The following THOP1 variants were observed in gnomAD, a reference collection of about 807,000 sequenced individuals.
THOP1 encodes thimet oligopeptidase.
In THOP1, 49 loss-of-function variants were observed where a neutral mutation model predicts 71.8. The observed-to-expected ratio is 0.68, with a 90% confidence interval of 0.54 to 0.87. The LOEUF (loss-of-function observed/expected upper bound fraction) is 0.87. Among genes scored for constraint, THOP1 ranks in the 40% least tolerant of loss-of-function variants. THOP1 has a pLI of 0.00. For synonymous variants in THOP1, 426 were observed against 421.5 expected, an observed-to-expected ratio of 1.01 and a Z score of -0.13; for missense variants, 843 against 975.6, an observed-to-expected ratio of 0.86 and a Z score of 1.81.
At chr19:2,802,992 T>C (rs1916192131) in intron 5 of THOP1, among the ~76,000 whole-genome samples, 1 of 152,196 alleles carries the variant, frequency 6.6e-6, no homozygotes, top group Non-Finnish European at 1.5e-5. Flanking sequence ...GTGGGGCACA[T>C]GGTACCGCAG....
chr19:2,785,883 A>G (rs551837156), intron 1 of THOP1, among the ~76,000 whole-genome samples: 1 of 152,248 alleles, frequency 6.6e-6, no homozygotes, highest in African/African-American at 2.4e-5. Flanking sequence ...TCATTCTGCA[A>G]AGTTGATGGC....
chr19:2,804,518 TC>T lies in THOP1; in HGVS notation c.590-495del, dbSNP rs1916242408. 1 of 154,110 alleles carries T rather than the reference TC, an allele frequency of 6.5e-6. No individual in the cohort carries two copies. Among genetic ancestry groups the T allele is most frequent in the African/African-American group, 2.4e-5 (1 of 41,450 alleles). The allele number at this position is 154,110 out of a possible 1,614,324, so 9.5% of individuals were successfully genotyped here. ...AGGACCTCCCTCTCCACGTGGGGCC[TC>T]CCTCTCCGCCCAGGGCCCAGCGTGC... is the stretch of plus-strand genomic sequence containing the variant. On this transcript the variant is annotated intron_variant, in intron 5 of 12. Transcript: ENST00000307741. This position sits in a 1 kb window ranked among gnomAD's most constrained non-coding sequence, Gnocchi z 4.7.
chr19:2,808,237 C>T lies in THOP1; in HGVS notation c.1254-6C>T, dbSNP rs1284503330. 3 of 1,545,794 alleles carry T rather than the reference C, an allele frequency of 1.9e-6. No individual in the cohort carries two copies. The Admixed American group carries it at 5.9e-5, about 30-fold the overall frequency. The stretch of plus-strand genomic sequence containing the variant: ...CTGCGGGGCCTGACGCTGCCTCCCT[C>T]CCCAGGGAAGGAAAGTACGGGCACG... On this transcript the variant is annotated splice_region_variant and splice_polypyrimidine_tract_variant and intron_variant, in intron 8 of 12. Coordinates refer to ENST00000307741, the MANE Select transcript of THOP1 (RefSeq NM_003249.5).
At position 2,807,604 on chromosome 19, in the gene THOP1, G is replaced by A. The variant is rs1916330482; in HGVS notation, c.1049G>A (p.Cys350Tyr). 1 of 1,612,642 alleles carries A rather than the reference G, an allele frequency of 6.2e-7. No individual in the cohort carries two copies. Among genetic ancestry groups the A allele is most frequent in the Non-Finnish European group, 8.5e-7 (1 of 1,179,850 alleles). Reference sequence around the variant, plus strand: ...AACCAGGTGGAGGAGACGCGCTACTGCGTGGACCAGAACCTGCTCAAGGAG... The same window carrying A: ...AACCAGGTGGAGGAGACGCGCTACTACGTGGACCAGAACCTGCTCAAGGAG... ...YMNQVEETRYCVDQNLLKEYF... is the reference protein window; with the variant it reads ...YMNQVEETRYYVDQNLLKEYF... The change falls in exon 8 of 13, where the codon TGC becomes TAC. Residue 350 changes from cysteine (C) to tyrosine (Y), a missense_variant. Transcript: ENST00000307741.
intron 4 of THOP1, among the ~76,000 whole-genome samples, chr19:2,796,662 CAG>C (rs1916022037): frequency 6.7e-6 from 1 of 149,138 alleles, no homozygotes; most frequent in African/African-American, 2.5e-5. Context: ...GTGCTGGGCT[CAG>C]GGAGTACTGG....
intron 2 of THOP1, among the ~76,000 whole-genome samples, chr19:2,791,094 T>C (rs1408446560): frequency 2.0e-5 from 3 of 152,214 alleles, no homozygotes; most frequent in Non-Finnish European, 2.9e-5. Flanking sequence ...CCCCTTGGCT[T>C]CTGCCTCTGC....
intron 9 of THOP1, chr19:2,809,947 T>C (rs1916413002): frequency 3.1e-6 from 1 of 325,596 alleles, no homozygotes; most frequent in East Asian, 6.1e-5. Flanking sequence ...AGCAGGGAGA[T>C]GCAGCATGCC....
chr19:2,810,624 C>T lies in THOP1; in HGVS notation c.1643-16C>T, dbSNP rs1471380777. 1.3e-6 allele frequency: 2 copies of T among 1,547,934 alleles called. No homozygotes were observed. Among genetic ancestry groups the T allele is most frequent in the Non-Finnish European group, 1.7e-6 (2 of 1,146,094 alleles). ...GGCAGGTGCAGAGGCCAGCTCTCTC[C>T]TTCCCTCCCGCCCAGGCCTCTTCAA... is the stretch of plus-strand genomic sequence containing the variant. On this transcript the variant is annotated splice_polypyrimidine_tract_variant and intron_variant, in intron 10 of 12. Coordinates refer to ENST00000307741, the MANE Select transcript of THOP1 (RefSeq NM_003249.5).
chr19:2,792,470 C>A (rs1490572533), intron 2 of THOP1, among the ~76,000 whole-genome samples: 3 of 151,028 alleles, frequency 2.0e-5, no homozygotes, highest in Admixed American at 2.0e-4. Flanking sequence ...CAGCCCACCC[C>A]CCCTCTAAAC....
intron 11 of THOP1, 41 bp from the exon 12 acceptor site, chr19:2,811,557 G>C: frequency 6.3e-7 from 1 of 1,586,796 alleles, no homozygotes; most frequent in Non-Finnish European, 8.6e-7. Context: ...GGAGCATGGG[G>C]TGGGGGCTAC....
intron 8 of THOP1, 175 bp from the exon 9 acceptor site, chr19:2,808,068 T>A (rs1916355003): frequency 1.2e-6 from 1 of 835,196 alleles, no homozygotes; most frequent in Non-Finnish European, 1.8e-6. Flanking sequence ...AGCCGGGGCC[T>A]GGCCGTGGTT....
At chr19:2,810,609 G>A in intron 10 of THOP1, 31 bp from the exon 11 acceptor site, 1 of 1,542,910 alleles carries the variant, frequency 6.5e-7, no homozygotes, top group African/African-American at 1.4e-5. Flanking sequence ...GGCAGGTGCA[G>A]AGGCCAGCTC....
At position 2,807,057 on chromosome 19, in the gene THOP1, CCCTT is replaced by C. The variant is rs1256014140; in HGVS notation, c.886+13_886+16del. The stretch of plus-strand genomic sequence containing the variant: ...AGACCGTGGCCACCTTCCTAGGTAG[CCCTT>C]CCTTCCTCCTCCACTGGGGTCCCTG... On this transcript the variant is annotated splice_donor_region_variant and intron_variant, in intron 7 of 12. Transcript: ENST00000307741. 1 of 1,605,468 alleles carries C rather than the reference CCCTT, an allele frequency of 6.2e-7. No individual in the cohort carries two copies. The highest frequency in any genetic ancestry group is 2.2e-5 in the East Asian group (1 of 44,764).
rs778613561 is a variant in THOP1 at position 2,807,515 on chromosome 19, G to A, written c.960G>A (p.Glu320=). The A allele has an allele frequency of 2.1e-5, 34 of 1,611,946 alleles. No individual in the cohort carries two copies. The East Asian group carries it at 7.1e-4, about 34-fold the overall frequency. ...RAVILELKRA[E]CERRGLPFDG... ...TGATTCTGGAGCTGAAGCGTGCGGA[G>A]TGCGAGCGCCGGGGCCTGCCCTTCG... The change falls in exon 8 of 13, where the codon GAG becomes GAA. Residue 320 remains glutamate (E), a synonymous_variant. Transcript: ENST00000307741.
Position 2,804,800 on chromosome 19 carries a change from G to T in THOP1, c.590-216G>T. 1 of 535,364 alleles carries T rather than the reference G, an allele frequency of 1.9e-6. No individual in the cohort carries two copies. Among genetic ancestry groups the T allele is most frequent in the Non-Finnish European group, 3.3e-6 (1 of 304,932 alleles). The allele number at this position is 535,364 out of a possible 1,614,324, so 33.2% of individuals were successfully genotyped here. On this transcript the variant is annotated intron_variant, in intron 5 of 12. Transcript: ENST00000307741. This position sits in a 1 kb window ranked among gnomAD's most constrained non-coding sequence, Gnocchi z 4.7. ...AGGCGGGACGTGAGAAACGTGGCAG[G>T]TGGTGGCCAGGCTGTGGGGGAGCCA...
In THOP1 at chr19:2,801,794, G is replaced by A. The variant is rs1044239638; in HGVS notation, c.589+2003G>A. 6.6e-5 allele frequency among the ~76,000 whole-genome samples: 10 copies of A among 151,968 alleles called. No homozygotes were observed. Among genetic ancestry groups the A allele is most frequent in the African/African-American group, 1.7e-4 (7 of 41,344 alleles). ...GCAAGGGGAGGGGGCTAAGCGAGCCGGTTCCACCCAGGTCTCTCCTCCTCA... is the reference window on the plus strand; with the variant it reads ...GCAAGGGGAGGGGGCTAAGCGAGCCAGTTCCACCCAGGTCTCTCCTCCTCA... On this transcript the variant is annotated intron_variant, in intron 5 of 12. Transcript: ENST00000307741. This position sits in a 1 kb window ranked among gnomAD's most constrained non-coding sequence, Gnocchi z 5.1.
At chr19:2,809,363 G>T (rs1348978355) in intron 9 of THOP1, among the ~76,000 whole-genome samples, 1 of 152,174 alleles carries the variant, frequency 6.6e-6, no homozygotes, top group Non-Finnish European at 1.5e-5. Context: ...AACGCTTGGG[G>T]CCTTTTAAAC....
In THOP1 at chr19:2,801,210, A is replaced by G. The variant is rs1916136946; in HGVS notation, c.589+1419A>G. Among the ~76,000 whole-genome samples the G allele has an allele frequency of 6.6e-6, 1 of 152,116 alleles. No homozygotes were observed. The highest frequency in any genetic ancestry group is 2.1e-4 in the South Asian group (1 of 4,826). ...GGGTCCTGGGTGTGAATCCTGGGGA[A>G]GTCTGTATGAAGCGCGGTGGAAGTT... On this transcript the variant is annotated intron_variant, in intron 5 of 12. Coordinates refer to ENST00000307741, the MANE Select transcript of THOP1 (RefSeq NM_003249.5). This position sits in a 1 kb window ranked among gnomAD's most constrained non-coding sequence, Gnocchi z 5.1.
chr19:2,813,594 A>G lies in THOP1; in HGVS notation c.*318A>G. On this transcript the variant is annotated 3_prime_UTR_variant, in exon 13 of 13. Coordinates refer to ENST00000307741, the MANE Select transcript of THOP1 (RefSeq NM_003249.5). Reference sequence around the variant, plus strand: ...AATGAGGTCATTAAAAGGAAACAGAAAAAGAGAGAGGCTCCCTGGCCTGGT... The same window carrying G: ...AATGAGGTCATTAAAAGGAAACAGAGAAAGAGAGAGGCTCCCTGGCCTGGT... 3 of 317,562 alleles carry G rather than the reference A, an allele frequency of 9.4e-6. No individual in the cohort carries two copies. The highest frequency in any genetic ancestry group is 1.8e-5 in the Non-Finnish European group (3 of 171,284). 19.7% of individuals were successfully genotyped at this position (317,562 alleles called of 1,614,324 possible).
Sources: gnomAD v4.1 joint callset for allele counts (sites outside exome capture counted in the v4.1 genomes callset) on GRCh38, gnomAD v4.1.1 for gene constraint, Gnocchi (gnomAD v3.1) non-coding constraint, MANE v1.5 for transcripts, NCBI Gene and HGNC (gene_info 2026-07-23, HGNC 2026-07-21) for gene names.